PCDH11X: variants seen among roughly 807,000 people sequenced by gnomAD.
The protein encoded by PCDH11X is protocadherin-11 X-linked.
Under a neutral mutation model 53.3 loss-of-function variants are expected in PCDH11X, and 18 were observed. The observed-to-expected ratio is 0.34, with a 90% CI of 0.23 to 0.50. The LOEUF (loss-of-function observed/expected upper bound fraction) is 0.50. PCDH11X is among the 20% of genes least tolerant of loss of function. The probability of loss-of-function intolerance (pLI) is 0.98; values close to 1 mark genes in which losing one functional copy is unlikely to be tolerated. For missense variants in PCDH11X, 570 were observed against 1,032.4 expected, an observed-to-expected ratio of 0.55 and a Z score of 6.14; for synonymous variants, 279 against 393.3, an observed-to-expected ratio of 0.71 and a Z score of 3.44.
At chrX:92,126,639 T>C (rs2064868922) in intron 6 of PCDH11X, among the ~76,000 whole-genome samples, 1 of 107,253 alleles carries the variant, frequency 9.3e-6, no homozygotes, top group Non-Finnish European at 1.9e-5. Context: ...ATAAAAAAAT[T>C]AAAATAAATT....
chrX:91,939,831 T>C (rs1444870011), intron 6 of PCDH11X, among the ~76,000 whole-genome samples: 4 of 111,014 alleles, frequency 3.6e-5, no homozygotes, highest in Non-Finnish European at 7.6e-5. Flanking sequence ...CCCACGGAAA[T>C]GCTGAAGTCC....
At chrX:92,309,178 T>G (rs1391211869) in intron 8 of PCDH11X, among the ~76,000 whole-genome samples, 1 of 112,272 alleles carries the variant, frequency 8.9e-6, no homozygotes, top group Admixed American at 9.5e-5. Context: ...CTTGAACAGA[T>G]ATTTGTATAT....
intron 6 of PCDH11X, among the ~76,000 whole-genome samples, chrX:92,115,194 A>G (rs2064612301): frequency 9.0e-6 from 1 of 110,683 alleles, no homozygotes; most frequent in African/African-American, 3.3e-5. Flanking sequence ...ATTGATCTCC[A>G]ATACCAATTA....
chrX:92,527,882 G>A (rs1462356287), intron 10 of PCDH11X, among the ~76,000 whole-genome samples: 30 of 111,598 alleles, frequency 2.7e-4, no homozygotes, highest in African/African-American at 9.4e-4. Flanking sequence ...GTAATATCCA[G>A]CATATTTAAA....
intron 10 of PCDH11X, among the ~76,000 whole-genome samples, chrX:92,469,485 T>C (rs753820470): frequency 9.0e-6 from 1 of 111,666 alleles, no homozygotes; most frequent in East Asian, 2.8e-4. Flanking sequence ...TCAGATTTCC[T>C]GAGGAGTTTC....
At chrX:92,588,649 G>A (rs1339362914) in intron 10 of PCDH11X, among the ~76,000 whole-genome samples, 2 of 109,224 alleles carry the variant, frequency 1.8e-5, no homozygotes, top group South Asian at 4.0e-4. Context: ...AATAAAACAC[G>A]CCTACAGGAT....
intron 10 of PCDH11X, among the ~76,000 whole-genome samples, chrX:92,577,805 T>C (rs1399582181): frequency 9.1e-6 from 1 of 109,458 alleles, no homozygotes; most frequent in Non-Finnish European, 1.9e-5. Flanking sequence ...CCAGGAGTCA[T>C]TCAAAAGCAG....
intron 7 of PCDH11X, among the ~76,000 whole-genome samples, chrX:92,225,633 C>T (rs1483005644): frequency 9.0e-6 from 1 of 110,932 alleles, no homozygotes; most frequent in Admixed American, 9.7e-5. Context: ...AGCTGGAATT[C>T]AAATATTAGA....
At chrX:92,445,130 T>C (rs1477714762) in intron 9 of PCDH11X, among the ~76,000 whole-genome samples, 1 of 104,789 alleles carries the variant, frequency 9.5e-6, no homozygotes, top group Non-Finnish European at 2.0e-5. Flanking sequence ...TTCAGTAGAA[T>C]TGGGACCAGC....
intron 10 of PCDH11X, among the ~76,000 whole-genome samples, chrX:92,537,756 A>T (rs1273625982): frequency 1.4e-4 from 15 of 106,676 alleles, no homozygotes; most frequent in African/African-American, 5.1e-4. Flanking sequence ...GTTGCCAAGA[A>T]CATGCACTGG....
At position 91,957,472 on chromosome X, in the gene PCDH11X, CTGTT is replaced by C. The variant is rs772061864; in HGVS notation, c.3033+78213_3033+78216del. Among the ~76,000 whole-genome samples the C allele has an allele frequency of 6.4e-3, 700 of 110,077 alleles. 27 individuals are homozygous for C. The highest frequency in any genetic ancestry group is 0.023 in the African/African-American group (676 of 29,508). On this transcript the variant is annotated intron_variant, in intron 6 of 10. Coordinates refer to ENST00000682573, the MANE Select transcript of PCDH11X (RefSeq NM_032968.5). ...TCTTTTTTGTTGATGTTGTTGTTTTCTGTTTGTTTGTTTGTTTTCCTTTTGACAG... is the reference window on the plus strand; with the variant it reads ...TCTTTTTTGTTGATGTTGTTGTTTTCTGTTTGTTTGTTTTCCTTTTGACAG...
At chrX:91,886,409 C>T (rs1940197237) in intron 6 of PCDH11X, among the ~76,000 whole-genome samples, 1 of 110,361 alleles carries the variant, frequency 9.1e-6, no homozygotes, top group African/African-American at 3.3e-5. Flanking sequence ...TACTTTCTCC[C>T]CTGCAAGCAC....
intron 8 of PCDH11X, among the ~76,000 whole-genome samples, chrX:92,287,576 T>G (rs923273148): frequency 8.9e-6 from 1 of 112,194 alleles, no homozygotes; most frequent in African/African-American, 3.2e-5. Flanking sequence ...CTGATACTAG[T>G]GTTGCACTGT....
At chrX:91,816,739 T>C (rs1401049176) in intron 4 of PCDH11X, among the ~76,000 whole-genome samples, 23 of 111,269 alleles carry the variant, frequency 2.1e-4, no homozygotes, top group African/African-American at 6.9e-4. Context: ...GGAGATGGAT[T>C]AAGAGTGAAA....
chrX:92,583,177 G>T (rs1923924504), intron 10 of PCDH11X, among the ~76,000 whole-genome samples: 1 of 99,482 alleles, frequency 1.0e-5, no homozygotes, highest in Non-Finnish European at 2.0e-5. Flanking sequence ...TCGGCTCACT[G>T]CAACCTCCGC....
At chrX:92,279,636 CT>C (rs749236806) in intron 8 of PCDH11X, among the ~76,000 whole-genome samples, 4 of 112,277 alleles carry the variant, frequency 3.6e-5, no homozygotes, top group Non-Finnish European at 5.6e-5. Flanking sequence ...TAATGTTAAA[CT>C]TTTTAAACAA....
chrX:92,563,498 GC>G (rs1247203479), intron 10 of PCDH11X, among the ~76,000 whole-genome samples: 2 of 106,247 alleles, frequency 1.9e-5, no homozygotes, highest in East Asian at 3.1e-4. Flanking sequence ...AACAGGTCTG[GC>G]AGCAGACTTT....
chrX:92,570,383 C>T (rs1922059130), intron 10 of PCDH11X, among the ~76,000 whole-genome samples: 1 of 111,757 alleles, frequency 8.9e-6, no homozygotes, highest in African/African-American at 3.3e-5. Context: ...TTTTGTTTAA[C>T]ATAAATTACT....
At chrX:92,541,877 C>T (rs979436872) in intron 10 of PCDH11X, among the ~76,000 whole-genome samples, 10 of 110,028 alleles carry the variant, frequency 9.1e-5, no homozygotes, top group African/African-American at 2.3e-4. Context: ...TGAACCCAGG[C>T]GGCGGAGGTT....
Sources: gnomAD v4.1 joint callset for allele counts (sites outside exome capture counted in the v4.1 genomes callset) on GRCh38, gnomAD v4.1.1 for gene constraint, MANE v1.5 for transcripts, NCBI Gene and HGNC (gene_info 2026-07-23, HGNC 2026-07-21) for gene names.